The following ATP6V1H variants were observed in gnomAD, a reference collection of about 807,000 sequenced individuals.
ATP6V1H encodes the protein V-type proton ATPase subunit H.
In ATP6V1H, 39 loss-of-function variants were observed where a neutral mutation model predicts 71.7. The ratio of observed to expected loss-of-function variants is 0.54; its 90% CI spans 0.42 to 0.71. The LOEUF is 0.71. ATP6V1H is among the 30% of genes least tolerant of loss of function. The probability of loss-of-function intolerance (pLI) is 0.00; values close to 1 mark genes in which losing one functional copy is unlikely to be tolerated. For synonymous variants in ATP6V1H, 192 were observed against 199.3 expected (o/e 0.96, Z 0.31); for missense variants, 509 against 594.9 (o/e 0.86, Z 1.50).
At chr8:53,787,400 A>G (rs774054112) in intron 9 of ATP6V1H, among the ~76,000 whole-genome samples, 2 of 152,194 alleles carry the variant, frequency 1.3e-5, no homozygotes, top group Non-Finnish European at 2.9e-5. Flanking sequence ...CCTCTTTGAA[A>G]GGGTTATGAG....
At chr8:53,774,768 G>A (rs997884291) in intron 9 of ATP6V1H, among the ~76,000 whole-genome samples, 6 of 151,810 alleles carry the variant, frequency 4.0e-5, no homozygotes, top group African/African-American at 1.2e-4. Flanking sequence ...CTGAAGATAC[G>A]CCCCACTCAG....
intron 2 of ATP6V1H, among the ~76,000 whole-genome samples, chr8:53,836,117 T>A (rs16919584): frequency 6.6e-6 from 1 of 152,096 alleles, no homozygotes; most frequent in Admixed American, 6.5e-5. Flanking sequence ...CACCCTGGGG[T>A]AGACTAAAAT....
chr8:53,735,505 A>C, intron 13 of ATP6V1H, among the ~76,000 whole-genome samples: 1 of 152,168 alleles, frequency 6.6e-6, no homozygotes, highest in East Asian at 1.9e-4. Context: ...TTTAAAATAA[A>C]ATCAAGTTTT....
intron 9 of ATP6V1H, among the ~76,000 whole-genome samples, chr8:53,787,022 A>G (rs1032407581): frequency 2.0e-5 from 3 of 152,270 alleles, no homozygotes; most frequent in African/African-American, 7.2e-5. Flanking sequence ...CAATTTTCAT[A>G]TTATAAAATT....
chr8:53,741,176 GACT>G (rs1434296291), intron 13 of ATP6V1H, among the ~76,000 whole-genome samples: 3 of 152,056 alleles, frequency 2.0e-5, no homozygotes, highest in Non-Finnish European at 4.4e-5. Context: ...TGTACTATGA[GACT>G]ACATCAAGTT....
chr8:53,775,953 G>A (rs540849189), intron 9 of ATP6V1H, among the ~76,000 whole-genome samples: 1 of 152,364 alleles, frequency 6.6e-6, no homozygotes, highest in South Asian at 2.1e-4. Context: ...AGCAGGGGGC[G>A]GTGCTCATCA....
intron 2 of ATP6V1H, 131 bp from the exon 3 acceptor site, chr8:53,833,217 A>G: frequency 4.7e-6 from 3 of 637,230 alleles, no homozygotes; most frequent in Non-Finnish European, 8.3e-6. Flanking sequence ...CCCTGGCATC[A>G]GACAGACCTG....
chr8:53,808,627 G>A (rs1402566367), intron 7 of ATP6V1H, among the ~76,000 whole-genome samples: 2 of 151,962 alleles, frequency 1.3e-5, no homozygotes, highest in African/African-American at 2.4e-5. Flanking sequence ...AAAATTAGCG[G>A]GGCATGGTGG....
intron 7 of ATP6V1H, among the ~76,000 whole-genome samples, chr8:53,804,137 G>A (rs1183256693): frequency 6.6e-6 from 1 of 152,216 alleles, no homozygotes; most frequent in African/African-American, 2.4e-5. Flanking sequence ...CTATCAGGCA[G>A]TAGCCATACC....
intron 3 of ATP6V1H, chr8:53,832,043 G>A (rs992172406): frequency 6.6e-5 from 10 of 151,748 alleles, no homozygotes; most frequent in Non-Finnish European, 1.5e-4. Flanking sequence ...ATTACACAAC[G>A]GAACTTTCCA....
intron 11 of ATP6V1H, among the ~76,000 whole-genome samples, chr8:53,767,660 C>T (rs1320617134): frequency 6.6e-6 from 1 of 152,148 alleles, no homozygotes; most frequent in Non-Finnish European, 1.5e-5. Flanking sequence ...CAGAAATAAA[C>T]CCATGTCTAT....
At chr8:53,837,073 G>A (rs57071607) in intron 2 of ATP6V1H, among the ~76,000 whole-genome samples, 14,474 of 151,924 alleles carry the variant, frequency 0.095, 1,182 homozygotes, top group East Asian at 0.45. Context: ...CCCAAGAGGC[G>A]GAGGTTGCAG....
At chr8:53,765,658 C>T (rs6988009) in intron 11 of ATP6V1H, among the ~76,000 whole-genome samples, 14,241 of 152,196 alleles carry the variant, frequency 0.094, 1,017 homozygotes, top group East Asian at 0.37. Context: ...AGATATTCCA[C>T]GTTCACAAGT....
chr8:53,822,034 GA>G (rs1810681160), intron 4 of ATP6V1H, among the ~76,000 whole-genome samples: 2 of 152,162 alleles, frequency 1.3e-5, no homozygotes, highest in African/African-American at 4.8e-5. Flanking sequence ...AGAAATGAAA[GA>G]AAAGAGCAAA....
chr8:53,727,685 AC>A (rs1367109282), intron 13 of ATP6V1H, among the ~76,000 whole-genome samples: 1 of 152,206 alleles, frequency 6.6e-6, no homozygotes, highest in Middle Eastern at 3.2e-3. Context: ...TCCACTGATT[AC>A]TTTAAATATG....
intron 4 of ATP6V1H, among the ~76,000 whole-genome samples, chr8:53,827,847 T>C (rs2130513679): frequency 6.6e-6 from 1 of 152,238 alleles, no homozygotes; most frequent in East Asian, 1.9e-4. Flanking sequence ...CCACTTATAA[T>C]TGAAAACATG....
At chr8:53,793,242 AAAG>A (rs1279209649) in intron 9 of ATP6V1H, among the ~76,000 whole-genome samples, 3 of 152,252 alleles carry the variant, frequency 2.0e-5, no homozygotes, top group African/African-American at 4.8e-5. Context: ...GTAAAAATTA[AAAG>A]AAGGGTAATA....
At chr8:53,809,171 G>C (rs1018807333) in intron 7 of ATP6V1H, among the ~76,000 whole-genome samples, 1 of 152,050 alleles carries the variant, frequency 6.6e-6, no homozygotes, top group Non-Finnish European at 1.5e-5. Context: ...TTTTCTGTTT[G>C]GTCTCACTAC....
intron 1 of ATP6V1H, 42 bp downstream of exon 1, chr8:53,842,992 T>A (rs747355783): frequency 2.0e-4 from 31 of 152,344 alleles, no homozygotes; most frequent in Non-Finnish European, 3.2e-4. Flanking sequence ...TCGCCTGACC[T>A]GGTCTGCAGC....
Sources: gnomAD v4.1 joint callset for allele counts (sites outside exome capture counted in the v4.1 genomes callset) on GRCh38, gnomAD v4.1.1 for gene constraint, MANE v1.5 for transcripts, NCBI Gene and HGNC (gene_info 2026-07-23, HGNC 2026-07-21) for gene names.